The following LAMA2 variants were observed in gnomAD, a reference collection of about 807,000 sequenced individuals.
LAMA2 encodes laminin subunit alpha-2.
Under a neutral mutation model 364.8 loss-of-function variants are expected in LAMA2, and 269 were observed. The observed-to-expected ratio is 0.74, with a 90% CI of 0.67 to 0.82. The LOEUF is 0.82. Ranked by LOEUF, LAMA2 falls within the 40% of genes least tolerant of loss-of-function variation. The pLI is 0.00. For synonymous variants in LAMA2, 1,379 were observed against 1,370.6 expected (o/e 1.01, Z -0.14); for missense variants, 3,807 against 3,873.2 (o/e 0.98, Z 0.45).
In LAMA2 at chr6:129,147,032, T is replaced by C. The variant is rs760221384; in HGVS notation, c.893T>C (p.Leu298Pro). The C allele has an allele frequency of 1.0e-5, 16 of 1,606,364 alleles. No individual in the cohort carries two copies. The highest frequency in any genetic ancestry group is 2.2e-5 in the East Asian group (1 of 44,852). ...ICYGHARACP[L>P]DPATNKSRCE... is the part of the protein sequence containing the mutation. ...TATGGTCATGCCAGGGCTTGTCCAC[T>C]TGATCCAGCGACAAATGTATGTATA... The change falls in exon 6 of 65, where the codon CTT (leucine) becomes CCT (proline). Residue 298 changes from leucine (L) to proline (P), a missense_variant. Around this residue, in one of 3 missense-constraint regions of LAMA2, gnomAD observed 394 missense variants for 403.5 expected, o/e 0.98. Coordinates refer to ENST00000421865, the MANE Select transcript of LAMA2 (RefSeq NM_000426.4).
At chr6:129,149,573 T>C (rs1778672729) in intron 7 of LAMA2, among the ~76,000 whole-genome samples, 1 of 152,122 alleles carries the variant, frequency 6.6e-6, no homozygotes, top group Admixed American at 6.5e-5. Flanking sequence ...GAATAACAAA[T>C]TAACTCAACT....
chr6:129,035,202 T>C (rs1302861522), intron 1 of LAMA2, among the ~76,000 whole-genome samples: 1 of 152,142 alleles, frequency 6.6e-6, no homozygotes, highest in East Asian at 1.9e-4. Flanking sequence ...TGGTATCTCA[T>C]TGTGGTTTTA....
chr6:129,399,474 A>T (rs185472677), intron 37 of LAMA2, among the ~76,000 whole-genome samples: 1 of 152,148 alleles, frequency 6.6e-6, no homozygotes, highest in Admixed American at 6.5e-5. Flanking sequence ...GTAGGGAGGG[A>T]CTAAACATTT....
intron 12 of LAMA2, among the ~76,000 whole-genome samples, chr6:129,217,985 C>G (rs1783537529): frequency 6.6e-6 from 1 of 152,074 alleles, no homozygotes; most frequent in Non-Finnish European, 1.5e-5. Flanking sequence ...AAAAAAAATT[C>G]AAATACAGAA....
chr6:129,196,210 C>G (rs920091340), intron 12 of LAMA2, among the ~76,000 whole-genome samples: 5 of 152,194 alleles, frequency 3.3e-5, no homozygotes, highest in Non-Finnish European at 7.3e-5. Flanking sequence ...TTAGGAGAGT[C>G]TGCTGACATA....
At position 129,066,041 on chromosome 6, in the gene LAMA2, T is replaced by A. The variant is rs57359210; in HGVS notation, c.396+6145T>A. On this transcript the variant is annotated intron_variant, in intron 3 of 64. Transcript: ENST00000421865. The stretch of plus-strand genomic sequence containing the variant: ...TTTGTAAATTGCCCAGTCTCAGGTT[T>A]TTTTTTTTTTTTTTTTTTTTTTGAG... Among the ~76,000 whole-genome samples the A allele has an allele frequency of 6.2e-5, 4 of 64,026 alleles. 1 individual carries two copies. The highest frequency in any genetic ancestry group is 5.6e-4 in the Admixed American group (3 of 5,346). 42.0% of individuals were successfully genotyped at this position (64,026 alleles called of 152,430 possible).
intron 12 of LAMA2, among the ~76,000 whole-genome samples, chr6:129,211,118 T>A (rs772969130): frequency 3.3e-5 from 5 of 152,212 alleles, no homozygotes; most frequent in Non-Finnish European, 7.3e-5. Context: ...ATGCCAAATA[T>A]AATCTTACAC....
intron 64 of LAMA2, among the ~76,000 whole-genome samples, chr6:129,515,251 G>A (rs189033703): frequency 1.0e-3 from 154 of 152,244 alleles, no homozygotes; most frequent in African/African-American, 3.5e-3. Context: ...TTTGTCAAGA[G>A]GAACTTTTAT....
intron 16 of LAMA2, among the ~76,000 whole-genome samples, chr6:129,267,684 AT>A (rs1360414416): frequency 1.3e-5 from 2 of 152,142 alleles, no homozygotes; most frequent in Non-Finnish European, 2.9e-5. Flanking sequence ...AATGTTCATA[AT>A]TTAACTAAAT....
intron 1 of LAMA2, among the ~76,000 whole-genome samples, chr6:128,935,464 T>C (rs572226957): frequency 1.5e-3 from 236 of 152,314 alleles, no homozygotes; most frequent in Non-Finnish European, 2.4e-3. Flanking sequence ...CAGTCTATTA[T>C]TGATGGACAT....
chr6:129,221,789 G>A (rs972933832), intron 12 of LAMA2, among the ~76,000 whole-genome samples: 2 of 152,036 alleles, frequency 1.3e-5, no homozygotes, highest in African/African-American at 2.4e-5. Flanking sequence ...ACACATAAAA[G>A]TGTTCATAAA....
chr6:129,029,112 A>G (rs1398636101), intron 1 of LAMA2, among the ~76,000 whole-genome samples: 1 of 152,018 alleles, frequency 6.6e-6, no homozygotes, highest in African/African-American at 2.4e-5. Flanking sequence ...GGAATATGTT[A>G]GAAACAAGTA....
Position 128,990,976 on chromosome 6 carries a change from G to T in LAMA2, c.113-58942G>T, listed in dbSNP as rs139388763. 9.1e-4 allele frequency among the ~76,000 whole-genome samples: 138 copies of T among 152,166 alleles called. 1 individual carries two copies. The highest frequency in any genetic ancestry group is 3.0e-3 in the African/African-American group (126 of 41,532). ...TTTTAATTTTTTAAATGATTATAACGGGGGAAATTCCACTGTTGTTTCTTT... is the reference window on the plus strand; with the variant it reads ...TTTTAATTTTTTAAATGATTATAACTGGGGAAATTCCACTGTTGTTTCTTT... On this transcript the variant is annotated intron_variant, in intron 1 of 64. Coordinates refer to ENST00000421865, the MANE Select transcript of LAMA2 (RefSeq NM_000426.4).
chr6:129,058,295 C>T (rs571777648), intron 2 of LAMA2, among the ~76,000 whole-genome samples: 1 of 152,326 alleles, frequency 6.6e-6, no homozygotes, highest in East Asian at 1.9e-4. Context: ...GGAGTAGTGG[C>T]TGCTGTTGTG....
chr6:129,099,423 T>A (rs1775390751), intron 4 of LAMA2, among the ~76,000 whole-genome samples: 1 of 152,246 alleles, frequency 6.6e-6, no homozygotes, highest in Admixed American at 6.5e-5. Context: ...TTTGACTTAG[T>A]GACTCTCTTG....
At chr6:129,203,253 C>CT (rs1782414644) in intron 12 of LAMA2, among the ~76,000 whole-genome samples, 1 of 152,208 alleles carries the variant, frequency 6.6e-6, no homozygotes. Context: ...TTTTCTGTAG[C>CT]TTTTCAGTAA....
chr6:128,950,536 C>G (rs1252935613), intron 1 of LAMA2, among the ~76,000 whole-genome samples: 1 of 152,020 alleles, frequency 6.6e-6, no homozygotes, highest in African/African-American at 2.4e-5. Flanking sequence ...CTACAAAGTG[C>G]CCACGTCAGT....
chr6:129,286,739 TATATAATAATATATAATATATTATATA>T (rs1789223044), intron 18 of LAMA2, among the ~76,000 whole-genome samples: 1 of 1,854 alleles, frequency 5.4e-4, no homozygotes, highest in African/African-American at 1.1e-3. Context: ...TATTATATAA[TATATAATAATATATAATATATTATATA>T]ATATATAATA....
chr6:129,142,360 C>T (rs1384028009), intron 4 of LAMA2, among the ~76,000 whole-genome samples: 2 of 151,910 alleles, frequency 1.3e-5, no homozygotes, highest in Admixed American at 6.6e-5. Flanking sequence ...CTGCTGACTT[C>T]TTGTAGCCTC....
Sources: allele counts gnomAD v4.1 joint callset (sites outside exome capture counted in the v4.1 genomes callset), GRCh38; gene constraint gnomAD v4.1.1; regional missense constraint gnomAD v4.1.1; transcripts MANE v1.5; gene names NCBI Gene and HGNC (gene_info 2026-07-23, HGNC 2026-07-21).